The following CNTNAP5 variants were observed in gnomAD, a reference collection of about 807,000 sequenced individuals.
CNTNAP5 encodes the protein contactin associated protein family member 5, also known as contactin-associated protein-like 5.
A neutral mutation model predicts 150.2 loss-of-function variants in CNTNAP5; 72 were observed. The observed-to-expected ratio is 0.48, with a 90% CI of 0.40 to 0.58. The LOEUF (loss-of-function observed/expected upper bound fraction) is 0.58. Among genes scored for constraint, CNTNAP5 ranks in the 20% least tolerant of loss-of-function variants. The probability of loss-of-function intolerance (pLI) is 0.00; values close to 1 mark genes in which losing one functional copy is unlikely to be tolerated. For synonymous variants in CNTNAP5, 672 were observed against 619.8 expected (o/e 1.08, Z -1.25); for missense variants, 1,636 against 1,626.2 (o/e 1.01, Z -0.10).
At chr2:124,650,303 A>T (rs2105030416) in intron 13 of CNTNAP5, among the ~76,000 whole-genome samples, 1 of 152,286 alleles carries the variant, frequency 6.6e-6, no homozygotes, top group Non-Finnish European at 1.5e-5. Flanking sequence ...CTTGTGGGGC[A>T]AGAGAGTCCT....
At chr2:124,510,301 C>CTATATCTATATATCTA (rs1553474656) in intron 8 of CNTNAP5, among the ~76,000 whole-genome samples, 1,778 of 106,006 alleles carry the variant, frequency 0.017, 142 homozygotes, top group African/African-American at 0.062. Flanking sequence ...ATCTATATAT[C>CTATATCTATATATCTA]TATATATATA....
intron 4 of CNTNAP5, among the ~76,000 whole-genome samples, chr2:124,430,812 G>A (rs1692359871): frequency 6.6e-6 from 1 of 152,288 alleles, no homozygotes. Context: ...CCCAAACCCA[G>A]ACAGAATTTT....
At chr2:124,503,357 A>G (rs1292828671) in intron 7 of CNTNAP5, among the ~76,000 whole-genome samples, 2 of 152,176 alleles carry the variant, frequency 1.3e-5, no homozygotes, top group Non-Finnish European at 2.9e-5. Context: ...GGAACTGAGA[A>G]CTGTACTGCG....
chr2:124,277,999 A>G (rs1455551729), intron 3 of CNTNAP5, among the ~76,000 whole-genome samples: 1 of 152,156 alleles, frequency 6.6e-6, no homozygotes, highest in East Asian at 1.9e-4. Context: ...GTGTTAAGCT[A>G]TCAGTGCCAG....
At chr2:124,517,345 G>T (rs1694745309) in intron 8 of CNTNAP5, among the ~76,000 whole-genome samples, 1 of 151,372 alleles carries the variant, frequency 6.6e-6, no homozygotes. Context: ...GATGATGGAG[G>T]GTTATAGTGT....
At chr2:124,627,960 A>G (rs984143106) in intron 12 of CNTNAP5, among the ~76,000 whole-genome samples, 4 of 152,190 alleles carry the variant, frequency 2.6e-5, no homozygotes, top group Non-Finnish European at 4.4e-5. Flanking sequence ...GTGGAAGAGA[A>G]ATGGCAGAGC....
intron 10 of CNTNAP5, among the ~76,000 whole-genome samples, chr2:124,545,715 C>T (rs1478845914): frequency 6.6e-6 from 1 of 151,928 alleles, no homozygotes; most frequent in Non-Finnish European, 1.5e-5. Context: ...GCACAAATGG[C>T]GTCACATAAA....
intron 7 of CNTNAP5, among the ~76,000 whole-genome samples, chr2:124,491,525 G>A (rs1221108193): frequency 6.6e-6 from 1 of 151,644 alleles, no homozygotes; most frequent in African/African-American, 2.4e-5. Context: ...CTCATGTTTT[G>A]GCTATTGTAG....
chr2:124,779,220 A>C (rs1031417178), intron 17 of CNTNAP5, among the ~76,000 whole-genome samples: 5 of 152,222 alleles, frequency 3.3e-5, no homozygotes, highest in African/African-American at 1.2e-4. Flanking sequence ...ATTCACATCC[A>C]GTGACTGAGC....
chr2:124,123,292 C>A (rs1683611713), intron 1 of CNTNAP5, among the ~76,000 whole-genome samples: 1 of 152,150 alleles, frequency 6.6e-6, no homozygotes, highest in African/African-American at 2.4e-5. Context: ...CCCACGGAGC[C>A]TCACTCATTG....
intron 5 of CNTNAP5, among the ~76,000 whole-genome samples, chr2:124,445,309 C>T (rs187653351): frequency 6.6e-6 from 1 of 151,782 alleles, no homozygotes. Flanking sequence ...CACTGGCCAG[C>T]CTGGTCTCAA....
At chr2:124,033,887 T>C (rs552257065) in intron 1 of CNTNAP5, among the ~76,000 whole-genome samples, 1 of 152,088 alleles carries the variant, frequency 6.6e-6, no homozygotes, top group Admixed American at 6.5e-5. Flanking sequence ...AAATCTATAC[T>C]GTACTTGACA....
In CNTNAP5 at chr2:124,610,186, C is replaced by A. The variant is rs190030200; in HGVS notation, c.1876+266C>A. ...TTATCAGTGGTTTTCTTTAGGGCCTCCAAGGGCATTTTCTCTCCTGAAACT... is the reference window on the plus strand; with the variant it reads ...TTATCAGTGGTTTTCTTTAGGGCCTACAAGGGCATTTTCTCTCCTGAAACT... On this transcript the variant is annotated intron_variant, in intron 12 of 23. Coordinates refer to ENST00000682447, the MANE Select transcript of CNTNAP5 (RefSeq NM_001367498.1). Among the ~76,000 whole-genome samples the A allele has an allele frequency of 4.2e-3, 642 of 152,198 alleles. 5 individuals are homozygous for A. The highest frequency in any genetic ancestry group is 0.014 in the African/African-American group (581 of 41,536).
At chr2:124,795,470 A>G (rs1383551242) in intron 18 of CNTNAP5, among the ~76,000 whole-genome samples, 1 of 152,152 alleles carries the variant, frequency 6.6e-6, no homozygotes, top group Non-Finnish European at 1.5e-5. Context: ...GCCCAAGGTT[A>G]ACTTCCATTG....
At chr2:124,789,377 C>T (rs985779450) in intron 17 of CNTNAP5, among the ~76,000 whole-genome samples, 13 of 152,078 alleles carry the variant, frequency 8.5e-5, no homozygotes, top group African/African-American at 2.2e-4. Flanking sequence ...GGGTTCCCAG[C>T]CTAGAAGGAC....
intron 12 of CNTNAP5, among the ~76,000 whole-genome samples, chr2:124,637,447 G>A (rs1029754533): frequency 5.9e-5 from 9 of 152,182 alleles, no homozygotes; most frequent in East Asian, 1.9e-4. Context: ...AGTGCAGCCC[G>A]TGAGCAGACA....
At chr2:124,829,435 C>G (rs974719031) in intron 19 of CNTNAP5, among the ~76,000 whole-genome samples, 4 of 152,110 alleles carry the variant, frequency 2.6e-5, no homozygotes, top group Non-Finnish European at 5.9e-5. Flanking sequence ...TGTTGGAAAG[C>G]ATATTTTGAA....
chr2:124,050,303 A>T (rs1347553592), intron 1 of CNTNAP5, among the ~76,000 whole-genome samples: 1 of 151,954 alleles, frequency 6.6e-6, no homozygotes, highest in Non-Finnish European at 1.5e-5. Context: ...ATCTCTACGA[A>T]AATACAAAAC....
chr2:124,623,266 G>A (rs1412402926), intron 12 of CNTNAP5, among the ~76,000 whole-genome samples: 1 of 152,082 alleles, frequency 6.6e-6, no homozygotes, highest in Admixed American at 6.6e-5. Context: ...TCCCCATCGT[G>A]ATTCATAATT....
Sources: gnomAD v4.1 joint callset for allele counts (sites outside exome capture counted in the v4.1 genomes callset) on GRCh38, gnomAD v4.1.1 for gene constraint, MANE v1.5 for transcripts, NCBI Gene and HGNC (gene_info 2026-07-23, HGNC 2026-07-21) for gene names.